Variants in CPNE9 observed in about 807,000 individuals in gnomAD.
CPNE9 encodes copine family member 9.
In CPNE9, 59 loss-of-function variants were observed where a neutral mutation model predicts 83.0. The ratio of observed to expected loss-of-function variants is 0.71; its 90% CI spans 0.58 to 0.88. The LOEUF is 0.88. Among genes scored for constraint, CPNE9 ranks in the 40% least tolerant of loss-of-function variants. CPNE9 has a pLI of 0.00. For missense variants in CPNE9, 619 were observed against 720.8 expected, an observed-to-expected ratio of 0.86 and a Z score of 1.62; for synonymous variants, 256 against 273.4, an observed-to-expected ratio of 0.94 and a Z score of 0.63.
chr3:9,705,446 G>A lies in CPNE9; in HGVS notation c.261-18G>A. On this transcript the variant is annotated intron_variant, in intron 4 of 20. Coordinates refer to ENST00000383832, the MANE Select transcript of CPNE9 (RefSeq NM_153635.3). ...CCCCACCCAGCCCCACCCCACACCG[G>A]TTCCACTCTTTTCCCAGGTACAACG... 1.6e-6 allele frequency: 1 copy of A among 644,574 alleles called. No homozygotes were observed. Among genetic ancestry groups the A allele is most frequent in the Non-Finnish European group, 2.6e-6 (1 of 382,140 alleles). 39.9% of individuals were successfully genotyped at this position (644,574 alleles called of 1,614,324 possible).
At chr3:9,706,229 C>T (rs139890058) in intron 7 of CPNE9, among the ~76,000 whole-genome samples, 166 bp downstream of exon 7, 4 of 151,774 alleles carry the variant, frequency 2.6e-5, no homozygotes, top group Non-Finnish European at 2.9e-5. Flanking sequence ...GTGCTCTGCC[C>T]GAGTCAGTAT....
intron 17 of CPNE9, among the ~76,000 whole-genome samples, chr3:9,724,587 G>T (rs181402545): frequency 5.6e-4 from 86 of 152,272 alleles, no homozygotes; most frequent in Middle Eastern, 6.8e-3. Flanking sequence ...TTGTTCTTTA[G>T]TCCCACTATA....
In CPNE9 at chr3:9,714,955, G is replaced by C; in HGVS notation, c.692G>C (p.Ser231Thr). 6.2e-7 allele frequency: 1 copy of C among 1,613,644 alleles called. No homozygotes were observed. Among genetic ancestry groups the C allele is most frequent in the Non-Finnish European group, 8.5e-7 (1 of 1,179,586 alleles). The part of the protein sequence containing the change: ...IDVYDWDRDG[S>T]HDFIGEFTTS... ...GTGTACGACTGGGACCGGGATGGAA[G>C]GTAGAACTGCCCCACATGGTCCCTT... Residue 231 changes from serine to threonine, a missense_variant and splice_region_variant, in exon 11 of 21, where the codon AGC (serine) becomes ACC (threonine). Ser to Thr is a moderately conservative substitution (Grantham distance 58). Around this residue, in one of 3 missense-constraint regions of CPNE9, gnomAD observed 438 missense variants for 562.9 expected, o/e 0.78. Transcript: ENST00000383832.
At chr3:9,717,216 C>G in intron 15 of CPNE9, 112 bp downstream of exon 15, 1 of 1,170,894 alleles carries the variant, frequency 8.5e-7, no homozygotes, top group Non-Finnish European at 1.3e-6. Flanking sequence ...CCCAAGAAGC[C>G]CAAACTTAGG....
chr3:9,726,965 A>T, intron 19 of CPNE9, 148 bp from the exon 20 acceptor site: 2 of 868,552 alleles, frequency 2.3e-6, no homozygotes, highest in Non-Finnish European at 3.7e-6. Flanking sequence ...TAGTAATAAT[A>T]ACTCCATAAC....
At chr3:9,715,198 G>A (rs999357369) in intron 11 of CPNE9, 91 bp from the exon 12 acceptor site, 1 of 1,397,282 alleles carries the variant, frequency 7.2e-7, no homozygotes, top group Non-Finnish European at 1.0e-6. Flanking sequence ...AGCCTAAGTA[G>A]GGGCTTAGGA....
chr3:9,714,792 G>A (rs1022060959), intron 10 of CPNE9, 122 bp from the exon 11 acceptor site: 5 of 841,500 alleles, frequency 5.9e-6, no homozygotes, highest in African/African-American at 5.0e-5. Flanking sequence ...GTTGAAAGAT[G>A]AACAACTTAA....
chr3:9,713,798 G>A (rs1395949245), intron 10 of CPNE9, among the ~76,000 whole-genome samples: 3 of 152,128 alleles, frequency 2.0e-5, no homozygotes, highest in African/African-American at 2.4e-5. Flanking sequence ...GGGGCCGGGC[G>A]CGGTGGCTCA....
chr3:9,717,195 G>GA, intron 15 of CPNE9, 91 bp downstream of exon 15: 1 of 1,389,672 alleles, frequency 7.2e-7, no homozygotes, highest in Non-Finnish European at 1.0e-6. Flanking sequence ...CTAGAGATAA[G>GA]AGTTTACCTA....
At position 9,703,904 on chromosome 3, in the gene CPNE9, G is replaced by A; in HGVS notation, c.-93G>A. On this transcript the variant is annotated 5_prime_UTR_variant, in exon 1 of 21. Coordinates refer to ENST00000383832, the MANE Select transcript of CPNE9 (RefSeq NM_153635.3). ...TGCAGCCGCCGCCGCCGCCGACACC[G>A]CGGCACATGGGCCGGCCCCGCCGCT... 1 of 1,082,872 alleles carries A rather than the reference G, an allele frequency of 9.2e-7. No homozygotes were observed. Among genetic ancestry groups the A allele is most frequent in the Non-Finnish European group, 1.3e-6 (1 of 786,074 alleles). The allele number at this position is 1,082,872 out of a possible 1,614,324, so 67.1% of individuals were successfully genotyped here.
At chr3:9,705,419 T>TCCGCC in intron 4 of CPNE9, 45 bp from the exon 5 acceptor site, 2 of 662,636 alleles carry the variant, frequency 3.0e-6, no homozygotes, top group Non-Finnish European at 5.4e-6. Flanking sequence ...TTCCACCCTC[T>TCCGCC]CCCCCACCCA....
At chr3:9,723,365 A>G (rs936930314) in intron 17 of CPNE9, among the ~76,000 whole-genome samples, 8 of 151,984 alleles carry the variant, frequency 5.3e-5, no homozygotes, top group African/African-American at 1.7e-4. Flanking sequence ...CCAGCTATTC[A>G]GGAGACTGAG....
rs997525539 is a variant in CPNE9, at chr3:9,709,665, G to T, written c.378-2876G>T. 7.9e-5 allele frequency among the ~76,000 whole-genome samples: 12 copies of T among 152,042 alleles called. No homozygotes were observed. The East Asian group carries it at 2.4e-3, about 30-fold the overall frequency. On this transcript the variant is annotated intron_variant, in intron 7 of 20. Transcript: ENST00000383832. ...TTACAGACGTGAGCTGCCACGCCTA[G>T]CCAAGTTTATAATTTTTTAACATAA...
chr3:9,713,349 C>T (rs1174697482), intron 10 of CPNE9, among the ~76,000 whole-genome samples: 1 of 152,066 alleles, frequency 6.6e-6, no homozygotes, highest in African/African-American at 2.4e-5. Flanking sequence ...TAAGCAGATA[C>T]ATGGATGGAT....
intron 7 of CPNE9, among the ~76,000 whole-genome samples, chr3:9,709,191 G>A (rs1451319245): frequency 4.1e-5 from 6 of 147,356 alleles, no homozygotes; most frequent in African/African-American, 1.2e-4. Flanking sequence ...CAGTAAAATC[G>A]CCTGAACCCG....
intron 17 of CPNE9, among the ~76,000 whole-genome samples, chr3:9,725,654 G>GTATATATA (rs1559646012): frequency 4.5e-5 from 4 of 89,028 alleles, no homozygotes; most frequent in African/African-American, 6.4e-5. Context: ...GTGTATATAT[G>GTATATATA]TGTATATATG....
intron 7 of CPNE9, among the ~76,000 whole-genome samples, chr3:9,712,262 C>T (rs2076637427): frequency 6.6e-6 from 1 of 152,230 alleles, no homozygotes; most frequent in African/African-American, 2.4e-5. Context: ...CCCAGGGTCA[C>T]ACAGCTTAAC....
At position 9,729,850 on chromosome 3, in the gene CPNE9, C is replaced by T; in HGVS notation, c.*158C>T. On this transcript the variant is annotated 3_prime_UTR_variant, in exon 21 of 21. Transcript: ENST00000383832. ...CCTCCGCCTCCTTGCCTGCAGAGGG[C>T]CTGGCACTATCACCACCTCTCTGCC... is the stretch of plus-strand genomic sequence containing the variant. The T allele has an allele frequency of 9.8e-7, 1 of 1,021,698 alleles. No individual in the cohort carries two copies. The highest frequency in any genetic ancestry group is 1.4e-6 in the Non-Finnish European group (1 of 731,684). The allele number at this position is 1,021,698 out of a possible 1,614,324, so 63.3% of individuals were successfully genotyped here.
At chr3:9,715,563 C>T in intron 13 of CPNE9, 37 bp downstream of exon 13, 1 of 1,558,370 alleles carries the variant, frequency 6.4e-7, no homozygotes, top group Admixed American at 1.7e-5. Flanking sequence ...TCCCTGGATC[C>T]TTCCGTGTCT....
Sources: allele counts gnomAD v4.1 joint callset (sites outside exome capture counted in the v4.1 genomes callset), GRCh38; gene constraint gnomAD v4.1.1; regional missense constraint gnomAD v4.1.1; transcripts MANE v1.5; gene names NCBI Gene and HGNC (gene_info 2026-07-23, HGNC 2026-07-21).